ZNF208: variants seen among roughly 807,000 people sequenced by gnomAD.
The protein encoded by ZNF208 is zinc finger protein 208.
In ZNF208, 10 loss-of-function variants were observed where a neutral mutation model predicts 12.1. The ratio of observed to expected loss-of-function variants is 0.83; its 90% CI spans 0.51 to 1.40. ZNF208 has a LOEUF of 1.40. ZNF208 is among the 40% of genes most tolerant of loss of function. The pLI is 0.00. For synonymous variants in ZNF208, 497 were observed against 488.4 expected, an observed-to-expected ratio of 1.02 and a Z score of -0.23; for missense variants, 1,652 against 1,485.0, an observed-to-expected ratio of 1.11 and a Z score of -1.85.
chr19:21,984,450 G>A (rs1017944863), intron 3 of ZNF208, among the ~76,000 whole-genome samples: 1 of 152,128 alleles, frequency 6.6e-6, no homozygotes, highest in Non-Finnish European at 1.5e-5. Context: ...CTACTCAGGA[G>A]GCTGAGGCAG....
chr19:21,999,840 T>C (rs569312069), intron 1 of ZNF208, among the ~76,000 whole-genome samples: 2 of 152,344 alleles, frequency 1.3e-5, no homozygotes, highest in African/African-American at 4.8e-5. Context: ...AAACCTTTTA[T>C]AAAAATCAGC....
At chr19:21,988,940 C>A in intron 1 of ZNF208, 31 bp from the exon 2 acceptor site, 1 of 1,609,018 alleles carries the variant, frequency 6.2e-7, no homozygotes, top group Non-Finnish European at 8.5e-7. Context: ...TATTTATCAA[C>A]TGGACATGGG....
At chr19:21,941,431 C>G (rs1314599888) in intron 4 of ZNF208, 1 of 398,920 alleles carries the variant, frequency 2.5e-6, no homozygotes, top group African/African-American at 2.1e-5. Context: ...ATCCCTAGGA[C>G]AGTAAATACC....
rs1057243990 is a variant in ZNF208, at chr19:21,969,332, A to T, written c.*1859T>A. On this transcript the variant is annotated 3_prime_UTR_variant, in exon 4 of 4. Transcript: ENST00000397126. ...AAAGTATACTTTAAATTTAATTATA[A>T]CTCTTCAAAGATCTACTTCTTTTAA... Among the ~76,000 whole-genome samples the T allele has an allele frequency of 6.6e-6, 1 of 151,868 alleles. No individual in the cohort carries two copies. Among genetic ancestry groups the T allele is most frequent in the African/African-American group, 2.4e-5 (1 of 41,340 alleles).
In ZNF208 at chr19:21,971,880, C is replaced by A. The variant is rs1449201669; in HGVS notation, c.3154G>T (p.Ala1052Ser). 1 of 1,604,748 alleles carries A rather than the reference C, an allele frequency of 6.2e-7. No homozygotes were observed. The highest frequency in any genetic ancestry group is 8.5e-7 in the Non-Finnish European group (1 of 1,176,486). The change falls in exon 4 of 4, where the codon GCT becomes TCT. Residue 1052 changes from alanine to serine, a missense_variant. This residue lies in a region of ZNF208 where 1,239 missense variants were observed against 1,086.2 expected (regional missense o/e 1.14). Coordinates refer to ENST00000397126, the MANE Select transcript of ZNF208 (RefSeq NM_007153.3). Reference protein sequence around the residue: ...SSLTEHKATHAGEKPYKCEEC... With the variant: ...SSLTEHKATHSGEKPYKCEEC... ...TCACATTTGTAGGGTTTTTCTCCAG[C>A]ATGAGTTGCCTTATGTTCAGTAAGG... is the stretch of plus-strand genomic sequence containing the variant.
rs1004850764 is a variant in ZNF208 at position 21,970,803 on chromosome 19, T to C, written c.*388A>G. On this transcript the variant is annotated 3_prime_UTR_variant, in exon 4 of 4. Transcript: ENST00000397126. ...TTTCTCTCCAGCATGAATTTTCTTA[T>C]GTTTACTAAAGACTGAGAACCAGCT... 2.1e-6 allele frequency: 3 copies of C among 1,454,602 alleles called. No individual in the cohort carries two copies. The highest frequency in any genetic ancestry group is 2.9e-6 in the Non-Finnish European group (3 of 1,039,814). The allele number at this position is 1,454,602 out of a possible 1,614,324, so 90.1% of individuals were successfully genotyped here.
At chr19:21,956,801 C>T (rs1474023894) in intron 4 of ZNF208, among the ~76,000 whole-genome samples, 1 of 152,134 alleles carries the variant, frequency 6.6e-6, no homozygotes, top group Non-Finnish European at 1.5e-5. Context: ...GTGGTGATGT[C>T]CCACCCTGCT....
chr19:21,985,380 C>T (rs982725430), intron 3 of ZNF208, among the ~76,000 whole-genome samples: 2 of 152,084 alleles, frequency 1.3e-5, no homozygotes, highest in Admixed American at 1.3e-4. Flanking sequence ...ATTTTAAGAC[C>T]AACCTGGGTT....
In ZNF208 at chr19:21,973,880, C is replaced by G. The variant is rs758117672; in HGVS notation, c.1154G>C (p.Ser385Thr). ...TCCAGTATGAATTTTCTTATGATAACTAAGGGTTGAGGGCCACTTATAGGC... is the reference window on the plus strand; with the variant it reads ...TCCAGTATGAATTTTCTTATGATAAGTAAGGGTTGAGGGCCACTTATAGGC... Reference protein sequence around the residue: ...GKAYKWPSTLSYHKKIHTGEK... With the variant: ...GKAYKWPSTLTYHKKIHTGEK... The change falls in exon 4 of 4, where the codon AGT (serine) becomes ACT (threonine). Residue 385 changes from serine to threonine, a missense_variant. Physicochemically the swap from Ser to Thr is moderately conservative, Grantham distance 58. Coordinates refer to ENST00000397126, the MANE Select transcript of ZNF208 (RefSeq NM_007153.3). 2 of 1,608,170 alleles carry G rather than the reference C, an allele frequency of 1.2e-6. No homozygotes were observed.
At chr19:21,963,437 A>C (rs1694632109), downstream of ZNF208, among the ~76,000 whole-genome samples, 1 of 152,062 alleles carries the variant, frequency 6.6e-6, no homozygotes, top group African/African-American at 2.4e-5. Flanking sequence ...GAAATGTTTT[A>C]ACCATGTTCC....
At chr19:21,956,807 C>T (rs954772871) in intron 4 of ZNF208, among the ~76,000 whole-genome samples, 14 of 152,184 alleles carry the variant, frequency 9.2e-5, no homozygotes, top group Admixed American at 8.5e-4. Flanking sequence ...ATGTCCCACC[C>T]TGCTTCGGCT....
intron 3 of ZNF208, among the ~76,000 whole-genome samples, chr19:21,979,314 C>T (rs1347160904): frequency 2.0e-5 from 3 of 152,094 alleles, no homozygotes; most frequent in Admixed American, 1.3e-4. Flanking sequence ...AAAATGTTGA[C>T]GGCAGCCAGG....
chr19:21,981,599 A>G (rs777755297), intron 3 of ZNF208, among the ~76,000 whole-genome samples: 4 of 152,224 alleles, frequency 2.6e-5, no homozygotes, highest in Admixed American at 2.6e-4. Flanking sequence ...GACAGACAAT[A>G]TCATACTGAA....
intron 1 of ZNF208, among the ~76,000 whole-genome samples, chr19:22,005,371 G>C (rs1971026925): frequency 6.6e-6 from 1 of 152,148 alleles, no homozygotes. Flanking sequence ...AAAGAACAAG[G>C]GGCAGTGTGA....
intron 1 of ZNF208, among the ~76,000 whole-genome samples, chr19:21,989,260 C>G (rs1205207621): frequency 8.1e-6 from 1 of 124,026 alleles, no homozygotes; most frequent in Non-Finnish European, 1.6e-5. Flanking sequence ...ACAACAGTCC[C>G]CAGACTGTGA....
At chr19:21,997,919 C>G (rs4932723) in intron 1 of ZNF208, 88,515 of 151,676 alleles carry the variant, frequency 0.58, 26,091 homozygotes, top group East Asian at 0.69. Flanking sequence ...GAAAAAACTG[C>G]TCTCATTCTG....
chr19:21,998,840 A>T (rs918148447), intron 1 of ZNF208: 1 of 152,198 alleles, frequency 6.6e-6, no homozygotes, highest in Non-Finnish European at 1.5e-5. Context: ...TTCCACCAGC[A>T]CTTTTTTATA....
intron 4 of ZNF208, among the ~76,000 whole-genome samples, chr19:21,954,999 C>T (rs1036406500): frequency 5.9e-5 from 9 of 152,278 alleles, no homozygotes; most frequent in African/African-American, 2.2e-4. Context: ...TTAGTGCTTC[C>T]TTCAGGAGCT....
chr19:21,948,151 C>G (rs929998788), intron 4 of ZNF208, among the ~76,000 whole-genome samples: 1 of 152,146 alleles, frequency 6.6e-6, no homozygotes, highest in Non-Finnish European at 1.5e-5. Flanking sequence ...AGGTAACAAA[C>G]CGTCTACAGT....
Sources: gnomAD v4.1 joint callset for allele counts (sites outside exome capture counted in the v4.1 genomes callset) on GRCh38, gnomAD v4.1.1 for gene constraint, gnomAD v4.1.1 regional missense constraint, MANE v1.5 for transcripts, NCBI Gene and HGNC (gene_info 2026-07-23, HGNC 2026-07-21) for gene names.